KLHL4: variants seen among roughly 807,000 people sequenced by gnomAD.
The protein encoded by KLHL4 is kelch like family member 4.
In KLHL4, 17 loss-of-function variants were observed where a neutral mutation model predicts 45.8. The observed-to-expected ratio is 0.37, with a 90% CI of 0.25 to 0.56. The LOEUF (loss-of-function observed/expected upper bound fraction) is 0.56. KLHL4 is among the 20% of genes least tolerant of loss of function. The pLI is 0.79. For synonymous variants in KLHL4, 224 were observed against 189.9 expected, an observed-to-expected ratio of 1.18 and a Z score of -1.47; for missense variants, 544 against 544.9, an observed-to-expected ratio of 1.00 and a Z score of 0.02.
At chrX:87,533,596 C>G (rs1373739208) in intron 1 of KLHL4, among the ~76,000 whole-genome samples, 2 of 106,666 alleles carry the variant, frequency 1.9e-5, no homozygotes, top group African/African-American at 6.8e-5. Context: ...GGAGATATAC[C>G]TAATGCTAAA....
At chrX:87,520,423 G>T (rs915183693) in intron 1 of KLHL4, among the ~76,000 whole-genome samples, 2 of 112,352 alleles carry the variant, frequency 1.8e-5, no homozygotes, top group Admixed American at 9.4e-5. Flanking sequence ...GTAAAGTAAG[G>T]CTCTTTAAGC....
At chrX:87,634,039 T>G (rs1408912981) in intron 8 of KLHL4, 128 bp downstream of exon 8, 2 of 500,135 alleles carry the variant, frequency 4.0e-6, no homozygotes, top group Non-Finnish European at 6.3e-6. Flanking sequence ...TAATAAAAGG[T>G]CTTCATTGGA....
At chrX:87,624,270 C>T (rs1478783746) in intron 5 of KLHL4, among the ~76,000 whole-genome samples, 1 of 111,975 alleles carries the variant, frequency 8.9e-6, no homozygotes, top group Non-Finnish European at 1.9e-5. Flanking sequence ...GTCAACTTTT[C>T]CTGATCGTAG....
chrX:87,622,525 G>T (rs1044609816), intron 5 of KLHL4, 102 bp downstream of exon 5: 3 of 517,133 alleles, frequency 5.8e-6, no homozygotes, highest in Non-Finnish European at 9.3e-6. Flanking sequence ...GAAGATTCCT[G>T]GTAATTTGAG....
At chrX:87,595,304 CTG>C (rs1021506032) in intron 1 of KLHL4, among the ~76,000 whole-genome samples, 5 of 111,222 alleles carry the variant, frequency 4.5e-5, no homozygotes, top group African/African-American at 9.8e-5. Context: ...TTCTTTATAA[CTG>C]TTGATTTGAA....
chrX:87,584,880 A>G (rs1921413104), intron 1 of KLHL4, among the ~76,000 whole-genome samples: 1 of 109,256 alleles, frequency 9.2e-6, no homozygotes, highest in Non-Finnish European at 1.9e-5. Context: ...AAAAAGTTAT[A>G]GAACATCAAG....
chrX:87,597,668 C>A lies in KLHL4; in HGVS notation c.423-16209C>A, dbSNP rs187163278. Among the ~76,000 whole-genome samples, 470 of 111,280 alleles carry A rather than the reference C, an allele frequency of 4.2e-3. 6 individuals carry two copies. Among genetic ancestry groups the A allele is most frequent in the African/African-American group, 0.014 (432 of 30,733 alleles). ...TTTTTGATTCATATTTGTTTTTCTG[C>A]GTGTAGAAACTAAGGGCTATACTAG... is the stretch of plus-strand genomic sequence containing the variant. On this transcript the variant is annotated intron_variant, in intron 1 of 10. Transcript: ENST00000373119.
chrX:87,557,599 C>A (rs1355752393), intron 1 of KLHL4, among the ~76,000 whole-genome samples: 1 of 99,743 alleles, frequency 1.0e-5, no homozygotes, highest in African/African-American at 3.8e-5. Context: ...TCATGCTTAC[C>A]AACCTAAAAT....
chrX:87,662,411 T>C (rs1304168579), intron 9 of KLHL4, among the ~76,000 whole-genome samples: 1 of 112,175 alleles, frequency 8.9e-6, no homozygotes. Flanking sequence ...TAGACAACTT[T>C]GAATGCTGAA....
At chrX:87,572,239 A>T (rs72634510) in intron 1 of KLHL4, among the ~76,000 whole-genome samples, 24,381 of 110,382 alleles carry the variant, frequency 0.22, 2,043 homozygotes, top group Non-Finnish European at 0.26. Flanking sequence ...AGTATAAAAT[A>T]TTACTTAAAG....
intron 1 of KLHL4, among the ~76,000 whole-genome samples, chrX:87,527,478 C>A (rs1307631270): frequency 9.0e-6 from 1 of 111,369 alleles, no homozygotes; most frequent in Non-Finnish European, 1.9e-5. Context: ...GCAACCAAAG[C>A]CACGCGACAC....
At chrX:87,594,297 A>T (rs1019173356) in intron 1 of KLHL4, among the ~76,000 whole-genome samples, 1 of 111,774 alleles carries the variant, frequency 8.9e-6, no homozygotes, top group Non-Finnish European at 1.9e-5. Flanking sequence ...TTTATATATT[A>T]GTAGGGAATT....
At chrX:87,635,896 T>A in intron 9 of KLHL4, 121 bp downstream of exon 9, 1 of 465,928 alleles carries the variant, frequency 2.1e-6, no homozygotes, top group Non-Finnish European at 3.5e-6. Context: ...GTAAGAAAAT[T>A]AAATAGTACA....
At chrX:87,653,195 A>G (rs1013286920) in intron 9 of KLHL4, among the ~76,000 whole-genome samples, 1 of 111,490 alleles carries the variant, frequency 9.0e-6, no homozygotes, top group Non-Finnish European at 1.9e-5. Context: ...CATGTCATCC[A>G]TTTTCAGTTA....
rs770760687 is a variant in KLHL4, at chrX:87,613,002, T to C, written c.423-875T>C. ...ATCCCTTCTTATCAGTACAATATTA[T>C]GACTGAAGATTTAAAGAGTGATAAT... On this transcript the variant is annotated intron_variant, in intron 1 of 10. Coordinates refer to ENST00000373119, the MANE Select transcript of KLHL4 (RefSeq NM_019117.5). Among the ~76,000 whole-genome samples the C allele has an allele frequency of 2.7e-5, 3 of 111,468 alleles. No homozygotes were observed. The South Asian group carries it at 1.1e-3, about 42-fold the overall frequency.
At chrX:87,598,285 C>T (rs1921901945) in intron 1 of KLHL4, among the ~76,000 whole-genome samples, 1 of 110,411 alleles carries the variant, frequency 9.1e-6, no homozygotes, top group South Asian at 3.8e-4. Context: ...TCCCTTTGTT[C>T]TTTATTAATT....
chrX:87,566,429 C>A (rs918828866), intron 1 of KLHL4, among the ~76,000 whole-genome samples: 1 of 111,771 alleles, frequency 8.9e-6, no homozygotes, highest in African/African-American at 3.3e-5. Context: ...AATACACCTA[C>A]TGAAAATCAT....
chrX:87,614,376 T>C, intron 2 of KLHL4, 58 bp from the exon 3 acceptor site: 1 of 1,100,478 alleles, frequency 9.1e-7, no homozygotes, highest in Non-Finnish European at 1.2e-6. Context: ...ATCCATTTCA[T>C]GCTTTTCAGT....
At chrX:87,661,088 T>A (rs1210430504) in intron 9 of KLHL4, among the ~76,000 whole-genome samples, 1 of 112,374 alleles carries the variant, frequency 8.9e-6, no homozygotes, top group Non-Finnish European at 1.9e-5. Flanking sequence ...ATTGTACCTG[T>A]CAAGAAGTAA....
Sources: gnomAD v4.1 joint callset for allele counts (sites outside exome capture counted in the v4.1 genomes callset) on GRCh38, gnomAD v4.1.1 for gene constraint, MANE v1.5 for transcripts, NCBI Gene and HGNC (gene_info 2026-07-23, HGNC 2026-07-21) for gene names.